Variants in PAX5 observed in about 807,000 individuals in gnomAD.
PAX5 encodes paired box 5, also known as paired box protein Pax-5.
PAX5 carries 9 observed loss-of-function variants against 43.7 expected under a neutral mutation model. That is an observed-to-expected ratio of 0.21 (90% CI 0.12 to 0.36). The LOEUF (loss-of-function observed/expected upper bound fraction) is 0.36, where lower values mean the gene tolerates loss of function less well. Among genes scored for constraint, PAX5 ranks in the 10% least tolerant of loss-of-function variants. The probability of loss-of-function intolerance (pLI) is 1.00; values close to 1 mark genes in which losing one functional copy is unlikely to be tolerated. For missense variants in PAX5, 383 were observed against 532.7 expected (o/e 0.72, Z 2.77); for synonymous variants, 228 against 214.3 (o/e 1.06, Z -0.56).
intron 8 of PAX5, among the ~76,000 whole-genome samples, chr9:36,869,783 C>T (rs577410247): frequency 8.6e-5 from 13 of 151,308 alleles, no homozygotes; most frequent in South Asian, 4.2e-4. Context: ...AGGAAGGAAG[C>T]GATAGTGGAT....
At position 36,973,704 on chromosome 9, in the gene PAX5, C is replaced by CA. The variant is rs1469107451; in HGVS notation, c.605-6981dup. Among the ~76,000 whole-genome samples the CA allele has an allele frequency of 1.1e-3, 165 of 148,334 alleles. 1 individual carries two copies. The highest frequency in any genetic ancestry group is 4.2e-3 in the Admixed American group (63 of 14,900). On this transcript the variant is annotated intron_variant, in intron 5 of 9. Transcript: ENST00000358127. ...CAACATGGCGAGACCCCCATCTCTA[C>CA]AAAAAAAAAATTTAAAAATGGCTGG...
chr9:36,909,194 A>G (rs1338213670), intron 7 of PAX5, among the ~76,000 whole-genome samples: 1 of 152,196 alleles, frequency 6.6e-6, no homozygotes, highest in African/African-American at 2.4e-5. Flanking sequence ...AAATTTCAAT[A>G]GAATTCACCC....
chr9:37,003,169 A>AAAAAAAAC (rs1554681646), intron 4 of PAX5, among the ~76,000 whole-genome samples: 5 of 149,356 alleles, frequency 3.3e-5, no homozygotes, highest in South Asian at 2.3e-4. Context: ...AAAAAAAAAA[A>AAAAAAAAC]AAAAAAAAAA....
chr9:36,897,921 C>G (rs1359658010), intron 7 of PAX5, among the ~76,000 whole-genome samples: 10 of 152,328 alleles, frequency 6.6e-5, no homozygotes, highest in Non-Finnish European at 1.0e-4. Context: ...GCTGAGCCAT[C>G]CTTGAGCCTA....
At chr9:36,916,789 G>A (rs1368632339) in intron 7 of PAX5, among the ~76,000 whole-genome samples, 3 of 151,988 alleles carry the variant, frequency 2.0e-5, no homozygotes, top group East Asian at 1.9e-4. Flanking sequence ...GGTTCAAGTG[G>A]TTCTTGTGCC....
chr9:37,020,325 C>G (rs1839748035), intron 2 of PAX5, among the ~76,000 whole-genome samples: 1 of 152,124 alleles, frequency 6.6e-6, no homozygotes, highest in Admixed American at 6.6e-5. Context: ...CGCGGGGACC[C>G]AGGCTCACCT....
chr9:36,930,737 G>T, intron 6 of PAX5: 1 of 734,494 alleles, frequency 1.4e-6, no homozygotes, highest in Non-Finnish European at 1.9e-6. Flanking sequence ...TGCCTACCTC[G>T]ACGATCATGA....
chr9:36,982,722 T>C (rs1836046775), intron 5 of PAX5, among the ~76,000 whole-genome samples: 1 of 152,194 alleles, frequency 6.6e-6, no homozygotes, highest in African/African-American at 2.4e-5. Context: ...TTAGCACCCA[T>C]GGAGCGGGGT....
chr9:37,034,098 CTTTTTTTTTTTT>C lies in PAX5; in HGVS notation c.-79_-68del, dbSNP rs576653546. The C allele has an allele frequency of 9.6e-4, 307 of 320,074 alleles. No individual in the cohort carries two copies. The highest frequency in any genetic ancestry group is 1.4e-3 in the Non-Finnish European group (257 of 182,312). The allele number at this position is 320,074 out of a possible 1,614,324, so 19.8% of individuals were successfully genotyped here. On this transcript the variant is annotated 5_prime_UTR_variant, in exon 1 of 10. Coordinates refer to ENST00000358127, the MANE Select transcript of PAX5 (RefSeq NM_016734.3). The stretch of plus-strand genomic sequence containing the variant: ...TCCACTTTTTTGTGCCTTTTTTTTT[CTTTTTTTTTTTT>C]TTTTTTTTTTTTTTTTGGTGCCAGG...
At chr9:36,988,739 A>T (rs1836687358) in intron 5 of PAX5, among the ~76,000 whole-genome samples, 1 of 151,986 alleles carries the variant, frequency 6.6e-6, no homozygotes, top group Non-Finnish European at 1.5e-5. Flanking sequence ...GTTCTCAACG[A>T]GATCTTTTTG....
rs1832904784 is a variant in PAX5 at position 36,950,509 on chromosome 9, G to A, written c.780+16040C>T. 1.1e-4 allele frequency among the ~76,000 whole-genome samples: 17 copies of A among 152,154 alleles called. 1 individual carries two copies. The South Asian group carries it at 3.5e-3, about 32-fold the overall frequency. On this transcript the variant is annotated intron_variant, in intron 6 of 9. Coordinates refer to ENST00000358127, the MANE Select transcript of PAX5 (RefSeq NM_016734.3). ...AGTCTTCCTCCCAAGTGGCCTCACTGCCCACACCAGACACTCTCAGCGACA... is the reference window on the plus strand; with the variant it reads ...AGTCTTCCTCCCAAGTGGCCTCACTACCCACACCAGACACTCTCAGCGACA...
chr9:36,995,473 G>A (rs1242678294), intron 5 of PAX5, among the ~76,000 whole-genome samples: 2 of 152,214 alleles, frequency 1.3e-5, no homozygotes, highest in African/African-American at 2.4e-5. Context: ...CAGTGCGGGG[G>A]GACGTGTGGG....
intron 7 of PAX5, among the ~76,000 whole-genome samples, chr9:36,918,899 G>A (rs539769248): frequency 6.6e-6 from 1 of 152,310 alleles, no homozygotes; most frequent in South Asian, 2.1e-4. Flanking sequence ...CTAAGATCAA[G>A]CTAAGATCAT....
intron 8 of PAX5, among the ~76,000 whole-genome samples, chr9:36,869,825 TG>T (rs1276929259): frequency 1.9e-4 from 29 of 151,606 alleles, no homozygotes; most frequent in African/African-American, 5.6e-4. Flanking sequence ...GATGGATGGA[TG>T]AATAGATGGA....
At chr9:36,992,998 C>A (rs1837068785) in intron 5 of PAX5, among the ~76,000 whole-genome samples, 1 of 152,174 alleles carries the variant, frequency 6.6e-6, no homozygotes, top group Non-Finnish European at 1.5e-5. Flanking sequence ...ATACATGTGC[C>A]ATAGTGGTTT....
chr9:36,852,972 C>G (rs1823308165), intron 8 of PAX5, among the ~76,000 whole-genome samples: 1 of 152,208 alleles, frequency 6.6e-6, no homozygotes, highest in African/African-American at 2.4e-5. Flanking sequence ...CATCCTTCTT[C>G]ACCCCTGATG....
chr9:36,889,298 C>G (rs940117999), intron 7 of PAX5, among the ~76,000 whole-genome samples: 6 of 152,278 alleles, frequency 3.9e-5, no homozygotes, highest in African/African-American at 1.4e-4. Flanking sequence ...AATGAAGGCT[C>G]CCAAGCAGTT....
intron 5 of PAX5, among the ~76,000 whole-genome samples, chr9:36,989,332 G>A (rs1836731154): frequency 6.6e-6 from 1 of 152,172 alleles, no homozygotes; most frequent in African/African-American, 2.4e-5. Context: ...AGACTGGGAT[G>A]GCCAGTAAGC....
At chr9:36,866,647 C>A (rs537376614) in intron 8 of PAX5, among the ~76,000 whole-genome samples, 3 of 152,194 alleles carry the variant, frequency 2.0e-5, no homozygotes, top group African/African-American at 7.2e-5. Context: ...GACAAAATAG[C>A]TTCTTTTTTA....
Sources: allele counts gnomAD v4.1 joint callset (sites outside exome capture counted in the v4.1 genomes callset), GRCh38; gene constraint gnomAD v4.1.1; transcripts MANE v1.5; gene names NCBI Gene and HGNC (gene_info 2026-07-23, HGNC 2026-07-21).